MOB1B: variants seen among roughly 807,000 people sequenced by gnomAD.
MOB1B encodes MOB kinase activator 1B, also known as MOB1 Mps One Binder homolog B.
MOB1B carries 19 observed loss-of-function variants against 24.4 expected under a neutral mutation model. The observed-to-expected ratio is 0.78, with a 90% CI of 0.54 to 1.14. The LOEUF (loss-of-function observed/expected upper bound fraction) is 1.14. Ranked by LOEUF, MOB1B falls within the 50% of genes most tolerant of loss-of-function variation. The pLI is 0.00. For missense variants in MOB1B, 243 were observed against 259.6 expected, an observed-to-expected ratio of 0.94 and a Z score of 0.44; for synonymous variants, 76 against 82.1, an observed-to-expected ratio of 0.93 and a Z score of 0.40.
rs200503412 is a variant in MOB1B at position 70,928,299 on chromosome 4, G to GT, written c.14+25763dup. Among the ~76,000 whole-genome samples, 954 of 135,188 alleles carry GT rather than the reference G, an allele frequency of 7.1e-3. 1 individual carries two copies. The highest frequency in any genetic ancestry group is 8.3e-3 in the Non-Finnish European group (507 of 61,454). The allele number at this position is 135,188 out of a possible 152,430, so 88.7% of individuals were successfully genotyped here. A position where few individuals can be genotyped will look rare whatever the true frequency, so the allele number is the denominator to read the frequency against. Reference sequence around the variant, plus strand: ...AATCAATGACATTTTCAAGAATTTTGTTTTTTTTTTTTTTGAGATGGAGTC... The same window carrying GT: ...AATCAATGACATTTTCAAGAATTTTGTTTTTTTTTTTTTTTGAGATGGAGTC... On this transcript the variant is annotated intron_variant, in intron 1 of 5. Transcript: ENST00000309395.
At chr4:70,940,657 AAAT>A (rs989781687) in intron 1 of MOB1B, among the ~76,000 whole-genome samples, 2 of 152,090 alleles carry the variant, frequency 1.3e-5, no homozygotes, top group African/African-American at 4.8e-5. Flanking sequence ...TTAATAATAA[AAAT>A]AATATTAGGG....
At chr4:70,943,819 C>T (rs1406621489) in intron 1 of MOB1B, among the ~76,000 whole-genome samples, 2 of 151,904 alleles carry the variant, frequency 1.3e-5, no homozygotes, top group African/African-American at 4.8e-5. Flanking sequence ...ATTAATAAGC[C>T]TTCAAGTGGG....
intron 1 of MOB1B, among the ~76,000 whole-genome samples, chr4:70,913,197 A>G (rs1210761357): frequency 1.3e-5 from 2 of 152,132 alleles, no homozygotes. Flanking sequence ...TGAGTTACGC[A>G]TTTGAGGCAG....
intron 1 of MOB1B, among the ~76,000 whole-genome samples, chr4:70,932,537 C>G (rs1191724851): frequency 1.3e-5 from 2 of 152,150 alleles, no homozygotes; most frequent in African/African-American, 2.4e-5. Flanking sequence ...AAAACTCTTG[C>G]AGCATGCTGG....
At chr4:70,922,564 A>T (rs1375583635) in intron 1 of MOB1B, among the ~76,000 whole-genome samples, 1 of 152,214 alleles carries the variant, frequency 6.6e-6, no homozygotes, top group Non-Finnish European at 1.5e-5. Context: ...CATTTATCTC[A>T]GTGAGACTTT....
At chr4:70,966,930 C>T (rs565744337) in intron 2 of MOB1B, among the ~76,000 whole-genome samples, 6 of 151,974 alleles carry the variant, frequency 3.9e-5, no homozygotes, top group African/African-American at 4.8e-5. Flanking sequence ...GAAAAAAAAT[C>T]GTATCACAAC....
chr4:70,960,450 A>G (rs893633426), intron 2 of MOB1B, among the ~76,000 whole-genome samples: 14 of 152,340 alleles, frequency 9.2e-5, no homozygotes, highest in Admixed American at 2.0e-4. Flanking sequence ...AGCATACACA[A>G]AATGTCTAGG....
At chr4:70,904,664 C>T (rs1040381030) in intron 1 of MOB1B, among the ~76,000 whole-genome samples, 7 of 149,982 alleles carry the variant, frequency 4.7e-5, no homozygotes, top group East Asian at 4.0e-4. Flanking sequence ...GAGGCTGAGA[C>T]GGGAGTATCA....
intron 1 of MOB1B, among the ~76,000 whole-genome samples, chr4:70,947,074 T>G (rs537580950): frequency 7.2e-5 from 11 of 152,180 alleles, no homozygotes; most frequent in Non-Finnish European, 1.6e-4. Flanking sequence ...ATTTTAAACT[T>G]AGGGAAGTTC....
chr4:70,950,217 C>T (rs776244752), intron 1 of MOB1B, among the ~76,000 whole-genome samples: 1 of 151,974 alleles, frequency 6.6e-6, no homozygotes, highest in African/African-American at 2.4e-5. Context: ...GGGCAGATCT[C>T]CTGAGGTCAG....
chr4:70,949,438 GCTT>G (rs1246115735), intron 1 of MOB1B, among the ~76,000 whole-genome samples: 5 of 152,192 alleles, frequency 3.3e-5, no homozygotes, highest in Non-Finnish European at 7.3e-5. Flanking sequence ...TATTTTGACA[GCTT>G]CTAACATTTT....
chr4:70,971,522 A>G (rs938178092), intron 3 of MOB1B, among the ~76,000 whole-genome samples: 5 of 151,446 alleles, frequency 3.3e-5, no homozygotes, highest in Non-Finnish European at 5.9e-5. Flanking sequence ...AAAAAAAAAA[A>G]GTAATTTAAA....
At chr4:70,956,178 A>C (rs1467420410) in intron 1 of MOB1B, among the ~76,000 whole-genome samples, 3 of 152,146 alleles carry the variant, frequency 2.0e-5, no homozygotes, top group South Asian at 4.1e-4. Flanking sequence ...TTGGATTTAC[A>C]CTTTTGCACT....
chr4:70,926,733 G>A (rs554574449), intron 1 of MOB1B, among the ~76,000 whole-genome samples: 4 of 152,296 alleles, frequency 2.6e-5, no homozygotes, highest in South Asian at 2.1e-4. Flanking sequence ...TGTGCCGGGC[G>A]CAGTGGCTCA....
chr4:70,920,707 T>C (rs1432254644), intron 1 of MOB1B, among the ~76,000 whole-genome samples: 2 of 152,194 alleles, frequency 1.3e-5, no homozygotes, highest in Non-Finnish European at 2.9e-5. Context: ...GTGACCCTGC[T>C]TGACTGTATG....
chr4:70,954,592 A>G (rs1737959453), intron 1 of MOB1B, among the ~76,000 whole-genome samples: 1 of 150,032 alleles, frequency 6.7e-6, no homozygotes, highest in African/African-American at 2.5e-5. Context: ...AGTAGCTGGG[A>G]TTACAGGCCT....
At position 70,950,925 on chromosome 4, in the gene MOB1B, TCAGTAA is replaced by T. The variant is rs913513576; in HGVS notation, c.15-7941_15-7936del. The T allele has an allele frequency of 3.9e-5, 26 of 666,400 alleles. No individual in the cohort carries two copies. The Admixed American group carries it at 5.1e-4, about 13-fold the overall frequency. 41.3% of individuals were successfully genotyped at this position (666,400 alleles called of 1,614,324 possible). On this transcript the variant is annotated intron_variant, in intron 1 of 5. Coordinates refer to ENST00000309395, the MANE Select transcript of MOB1B (RefSeq NM_173468.4). ...ATTTTGTAGACGAGGAAGCTGAGAC[TCAGTAA>T]CAGTAACTTCTTCGAGACCCTGGTT...
In MOB1B at chr4:70,920,400, T is replaced by G. The variant is rs977876956; in HGVS notation, c.14+17850T>G. On this transcript the variant is annotated intron_variant, in intron 1 of 5. Transcript: ENST00000309395. ...CCGCCATGCCTGGCTAATTTTTGTA[T>G]TTTTAGTAGAGATGGGGTTTTACCA... Among the ~76,000 whole-genome samples the G allele has an allele frequency of 2.0e-5, 3 of 152,078 alleles. No homozygotes were observed. The South Asian group carries it at 6.2e-4, about 32-fold the overall frequency.
chr4:70,913,410 C>T (rs1441654489), intron 1 of MOB1B, among the ~76,000 whole-genome samples: 1 of 152,000 alleles, frequency 6.6e-6, no homozygotes, highest in Non-Finnish European at 1.5e-5. Context: ...AATCCTCCAA[C>T]CTCAGCCTCC....
Sources: allele counts gnomAD v4.1 joint callset (sites outside exome capture counted in the v4.1 genomes callset), GRCh38; gene constraint gnomAD v4.1.1; transcripts MANE v1.5; gene names NCBI Gene and HGNC (gene_info 2026-07-23, HGNC 2026-07-21).